The following RARS1 variants were observed in gnomAD, a reference collection of about 807,000 sequenced individuals.
RARS1 encodes arginyl-tRNA synthetase 1, also known as arginine--tRNA ligase, cytoplasmic.
RARS1 carries 75 observed loss-of-function variants against 78.7 expected under a neutral mutation model. That is an observed-to-expected ratio of 0.95 (90% confidence interval 0.79 to 1.15). The LOEUF is 1.15. RARS1 is among the 50% of genes most tolerant of loss of function. The pLI is 0.00. For synonymous variants in RARS1, 273 were observed against 268.2 expected, an observed-to-expected ratio of 1.02 and a Z score of -0.18; for missense variants, 787 against 787.5, an observed-to-expected ratio of 1.00 and a Z score of 0.01.
intron 8 of RARS1, 149 bp from the exon 9 acceptor site, chr5:168,501,852 A>G: frequency 3.3e-6 from 4 of 1,205,174 alleles, no homozygotes; most frequent in African/African-American, 1.6e-5. Context: ...GACAGCATGT[A>G]TATAATGTTC....
intron 9 of RARS1, among the ~76,000 whole-genome samples, chr5:168,504,079 G>C (rs762892111): frequency 3.0e-4 from 38 of 128,044 alleles, no homozygotes; most frequent in Non-Finnish European, 8.3e-5. Flanking sequence ...AAAAAAAAAA[G>C]AATAACGAGA....
rs77936688 is a variant in RARS1, at chr5:168,517,585, A to C, written c.1626-230A>C. Among the ~76,000 whole-genome samples the C allele has an allele frequency of 6.0e-3, 921 of 152,266 alleles. 3 individuals are homozygous for C. Among genetic ancestry groups the C allele is most frequent in the Non-Finnish European group, 0.01 (711 of 68,008 alleles). ...TACTCTTCTAGATGCTCTATGTTTA[A>C]ATACCTAGAAAGTGTCACCTGATCC... On this transcript the variant is annotated intron_variant, in intron 13 of 14. Transcript: ENST00000231572.
In RARS1 at chr5:168,486,551, C is replaced by T. The variant is rs1201560531; in HGVS notation, c.45+8C>T. ...GCGCGGCTGCTGCAGCAGGTTTGGACGCAGGAGACCGGCGGGAAGGCCTGA... is the reference window on the plus strand; with the variant it reads ...GCGCGGCTGCTGCAGCAGGTTTGGATGCAGGAGACCGGCGGGAAGGCCTGA... On this transcript the variant is annotated splice_region_variant and intron_variant, in intron 1 of 14. Transcript: ENST00000231572. 6.4e-7 allele frequency: 1 copy of T among 1,555,664 alleles called. No individual in the cohort carries two copies.
intron 4 of RARS1, 152 bp from the exon 5 acceptor site, chr5:168,494,398 G>A: frequency 6.9e-7 from 1 of 1,450,048 alleles, no homozygotes; most frequent in Non-Finnish European, 9.0e-7. Context: ...TGAGACAGGA[G>A]CTTACAAGAC....
intron 12 of RARS1, among the ~76,000 whole-genome samples, chr5:168,515,604 G>C (rs1311911821): frequency 6.6e-6 from 1 of 152,236 alleles, no homozygotes; most frequent in African/African-American, 2.4e-5. Context: ...TAGCATACCA[G>C]CTGATTATCT....
chr5:168,491,840 A>G (rs867037211), intron 2 of RARS1, among the ~76,000 whole-genome samples: 6 of 152,116 alleles, frequency 3.9e-5, no homozygotes, highest in Middle Eastern at 3.4e-3. Flanking sequence ...TAAATTTGTG[A>G]TGAACATAAA....
intron 13 of RARS1, among the ~76,000 whole-genome samples, chr5:168,517,216 C>T (rs939120178): frequency 1.1e-4 from 16 of 152,052 alleles, no homozygotes; most frequent in African/African-American, 3.6e-4. Flanking sequence ...GATCTCGGCT[C>T]ACTGCAACCT....
chr5:168,517,235 C>T (rs751892815), intron 13 of RARS1, among the ~76,000 whole-genome samples: 2 of 152,060 alleles, frequency 1.3e-5, no homozygotes, highest in Admixed American at 6.5e-5. Context: ...CTCCACCTCC[C>T]GGGTTCAGGT....
At position 168,493,976 on chromosome 5, in the gene RARS1, T is replaced by C; in HGVS notation, c.452T>C (p.Ile151Thr). 6.2e-7 allele frequency: 1 copy of C among 1,610,118 alleles called. No homozygotes were observed. Among genetic ancestry groups the C allele is most frequent in the Non-Finnish European group, 8.5e-7 (1 of 1,176,452 alleles). ...ITKHLPDNEC[I>T]EKVEIAGPGF... ...AAACACCTCCCAGACAATGAATGTA[T>C]TGAAAAAGTTGAAATTGCTGGTCCT... The change falls in exon 4 of 15, where the codon ATT becomes ACT. Residue 151 changes from isoleucine to threonine, a missense_variant. Physicochemically the swap from Ile to Thr is moderately conservative, Grantham distance 89. Coordinates refer to ENST00000231572, the MANE Select transcript of RARS1 (RefSeq NM_002887.4).
chr5:168,505,194 T>G (rs1758411287), intron 9 of RARS1, among the ~76,000 whole-genome samples: 1 of 152,132 alleles, frequency 6.6e-6, no homozygotes, highest in Non-Finnish European at 1.5e-5. Context: ...TTCTAAACTG[T>G]AAGAAAGCAT....
chr5:168,516,089 G>A (rs1203886551), intron 12 of RARS1, among the ~76,000 whole-genome samples: 2 of 152,078 alleles, frequency 1.3e-5, no homozygotes, highest in Admixed American at 6.6e-5. Context: ...AGTGATGATG[G>A]ACTCCTTCCC....
chr5:168,488,264 A>C (rs1025785566), intron 1 of RARS1: 10 of 345,144 alleles, frequency 2.9e-5, no homozygotes, highest in Non-Finnish European at 4.5e-5. Flanking sequence ...AGTAGCTAGG[A>C]TTACAGGCAT....
chr5:168,516,541 A>G (rs1758669574), intron 12 of RARS1, among the ~76,000 whole-genome samples: 2 of 152,206 alleles, frequency 1.3e-5, no homozygotes, highest in African/African-American at 4.8e-5. Flanking sequence ...GACATTTTAC[A>G]TTTTACAAAT....
intron 12 of RARS1, among the ~76,000 whole-genome samples, chr5:168,515,231 T>C (rs999245579): frequency 1.3e-5 from 2 of 152,214 alleles, no homozygotes; most frequent in African/African-American, 2.4e-5. Flanking sequence ...CTATTATCTT[T>C]TTTCTTTTGT....
intron 6 of RARS1, among the ~76,000 whole-genome samples, chr5:168,496,708 T>C (rs1758197727): frequency 6.6e-6 from 1 of 152,058 alleles, no homozygotes; most frequent in Non-Finnish European, 1.5e-5. Flanking sequence ...GGTCTCGAAC[T>C]CCTAACCTCA....
At chr5:168,502,505 C>G (rs1034528026) in intron 9 of RARS1, among the ~76,000 whole-genome samples, 11 of 146,006 alleles carry the variant, frequency 7.5e-5, no homozygotes, top group African/African-American at 2.8e-4. Context: ...ACTACCATAC[C>G]CAGCCAATAA....
intron 1 of RARS1, chr5:168,488,249 T>C: frequency 2.8e-6 from 1 of 361,006 alleles, no homozygotes; most frequent in Non-Finnish European, 5.5e-6. Context: ...TGCCTCAGCC[T>C]CCCAAGTAGC....
At position 168,488,640 on chromosome 5, in the gene RARS1, G is replaced by T; in HGVS notation, c.84G>T (p.Arg28=). The change falls in exon 2 of 15, where the codon CGG becomes CGT. Residue 28 remains arginine (R), a synonymous_variant. Transcript: ENST00000231572. ...EIKSLTAEID[R]LKNCGCLGAS... ...AATCTCTGACTGCTGAAATTGACCG[G>T]TTGAAAAACTGTGGCTGTTTAGGAG... is the stretch of plus-strand genomic sequence containing the variant. 6.2e-7 allele frequency: 1 copy of T among 1,610,796 alleles called. No homozygotes were observed.
chr5:168,519,198 T>C lies in RARS1; in HGVS notation c.*8T>C, dbSNP rs771937608. The C allele has an allele frequency of 1.4e-5, 22 of 1,599,508 alleles. No homozygotes were observed. Among genetic ancestry groups the C allele is most frequent in the Admixed American group, 1.2e-4 (7 of 59,762 alleles). On this transcript the variant is annotated 3_prime_UTR_variant, in exon 15 of 15. Coordinates refer to ENST00000231572, the MANE Select transcript of RARS1 (RefSeq NM_002887.4). ...CCTGTCCAAAGGATGTAATCCTTCA[T>C]AGGTTTGAACACTGTGTGTTTTTAC...
Sources: gnomAD v4.1 joint callset for allele counts (sites outside exome capture counted in the v4.1 genomes callset) on GRCh38, gnomAD v4.1.1 for gene constraint, MANE v1.5 for transcripts, NCBI Gene and HGNC (gene_info 2026-07-23, HGNC 2026-07-21) for gene names.